HDAC9: variants seen among roughly 807,000 people sequenced by gnomAD.
The protein encoded by HDAC9 is histone deacetylase 9, also known as MEF-2 interacting transcription repressor (MITR) protein.
HDAC9 carries 41 observed loss-of-function variants against 139.4 expected under a neutral mutation model. The observed-to-expected ratio is 0.29, with a 90% CI of 0.23 to 0.38. The LOEUF (loss-of-function observed/expected upper bound fraction) is 0.38, where lower values mean the gene tolerates loss of function less well. Among genes scored for constraint, HDAC9 ranks in the 10% least tolerant of loss-of-function variants. The probability of loss-of-function intolerance (pLI) is 1.00; values close to 1 mark genes in which losing one functional copy is unlikely to be tolerated. For missense variants in HDAC9, 1,147 were observed against 1,297.0 expected (o/e 0.88, Z 1.78); for synonymous variants, 517 against 476.2 (o/e 1.09, Z -1.12).
intron 1 of HDAC9, among the ~76,000 whole-genome samples, chr7:18,371,624 A>G (rs1434777300): frequency 6.6e-6 from 1 of 152,224 alleles, no homozygotes; most frequent in Non-Finnish European, 1.5e-5. Flanking sequence ...ACACAATAGC[A>G]GAAACAATGG....
chr7:18,954,062 G>A (rs1425225441), intron 23 of HDAC9, 84 bp from the exon 24 acceptor site: 8 of 878,414 alleles, frequency 9.1e-6, no homozygotes, highest in African/African-American at 6.9e-5. Flanking sequence ...CTGAGGATTA[G>A]GTTGTTTCAG....
intron 16 of HDAC9, among the ~76,000 whole-genome samples, chr7:18,792,266 TTA>T (rs1792383106): frequency 1.4e-5 from 2 of 147,828 alleles, no homozygotes; most frequent in Admixed American, 6.7e-5. Flanking sequence ...TCTTTTTTTT[TTA>T]AAAAAAAAAA....
At chr7:18,785,499 A>G (rs1390971025) in intron 16 of HDAC9, among the ~76,000 whole-genome samples, 6 of 152,080 alleles carry the variant, frequency 3.9e-5, no homozygotes, top group South Asian at 2.1e-4. Context: ...CTGCTCTACC[A>G]TAATAGCAGA....
rs541286122 is a variant in HDAC9 at position 18,653,892 on chromosome 7, A to C, written c.1467+5209A>C. Among the ~76,000 whole-genome samples the C allele has an allele frequency of 1.4e-4, 22 of 152,262 alleles. No homozygotes were observed. In the South Asian group the frequency reaches 4.6e-3, roughly 32 times the overall value. The stretch of plus-strand genomic sequence containing the variant: ...ATATTCTCTGAAATCCTCTTGATTT[A>C]TACCCATTCCCTGTCCCCAACCCTC... On this transcript the variant is annotated intron_variant, in intron 11 of 25. Transcript: ENST00000686413.
At chr7:18,423,175 A>G (rs750680354) in intron 1 of HDAC9, among the ~76,000 whole-genome samples, 3 of 152,212 alleles carry the variant, frequency 2.0e-5, no homozygotes, top group Non-Finnish European at 4.4e-5. Context: ...TTTTTATTTC[A>G]AAAAGTACAT....
chr7:18,484,345 A>G (rs1426465121), intron 1 of HDAC9, among the ~76,000 whole-genome samples: 2 of 151,750 alleles, frequency 1.3e-5, no homozygotes, highest in African/African-American at 2.4e-5. Flanking sequence ...AAAAAAAAAA[A>G]GTAAATGTCT....
intron 12 of HDAC9, among the ~76,000 whole-genome samples, chr7:18,725,213 A>G (rs896606413): frequency 1.3e-5 from 2 of 152,166 alleles, no homozygotes; most frequent in African/African-American, 4.8e-5. Context: ...AATCATATGA[A>G]TATATAATAA....
In HDAC9 at chr7:18,837,338, A is replaced by T. The variant is rs1796305556; in HGVS notation, c.2684+1341A>T. ...AGGAGCAAAATAAAAAATTATGTTA[A>T]AAAACAGAAGTTTTAATGTTATGAA... is the stretch of plus-strand genomic sequence containing the variant. On this transcript the variant is annotated intron_variant, in intron 21 of 25. Transcript: ENST00000686413. 5.3e-5 allele frequency among the ~76,000 whole-genome samples: 8 copies of T among 152,032 alleles called. No individual in the cohort carries two copies. In the South Asian group the frequency reaches 1.7e-3, roughly 32 times the overall value.
At chr7:18,105,564 A>G (rs955569266) in intron 1 of HDAC9, among the ~76,000 whole-genome samples, 1 of 132,754 alleles carries the variant, frequency 7.5e-6, no homozygotes, top group South Asian at 2.7e-4. Context: ...TTTCATCTAC[A>G]TCTAGGATGC....
At chr7:18,995,096 T>G (rs1450514249) in intron 25 of HDAC9, among the ~76,000 whole-genome samples, 1 of 152,224 alleles carries the variant, frequency 6.6e-6, no homozygotes, top group African/African-American at 2.4e-5. Context: ...TTTACCTCCT[T>G]TATTTTTTAA....
chr7:18,318,512 C>G (rs1369365552), intron 1 of HDAC9, among the ~76,000 whole-genome samples: 1 of 152,146 alleles, frequency 6.6e-6, no homozygotes, highest in Non-Finnish European at 1.5e-5. Flanking sequence ...ATATTTAGAA[C>G]TGACAATTCC....
intron 17 of HDAC9, among the ~76,000 whole-genome samples, chr7:18,815,434 A>G (rs1794492761): frequency 6.6e-6 from 1 of 152,222 alleles, no homozygotes; most frequent in African/African-American, 2.4e-5. Context: ...TTCCCCCGTC[A>G]CAACAAGACT....
At chr7:18,328,347 G>A (rs1235625331) in intron 1 of HDAC9, among the ~76,000 whole-genome samples, 2 of 151,356 alleles carry the variant, frequency 1.3e-5, no homozygotes, top group African/African-American at 2.4e-5. Context: ...AGACACTTAC[G>A]GGGTTAGGAT....
chr7:18,882,095 TTAAAAACGAG>T (rs1799782002), intron 22 of HDAC9, among the ~76,000 whole-genome samples: 1 of 152,154 alleles, frequency 6.6e-6, no homozygotes, highest in Non-Finnish European at 1.5e-5. Context: ...AATAGCATTT[TTAAAAACGAG>T]TAAGGCTAAA....
Position 18,874,234 on chromosome 7 carries a change from GT to G in HDAC9, c.2685-230del, listed in dbSNP as rs35536284. On this transcript the variant is annotated intron_variant, in intron 21 of 25. Coordinates refer to ENST00000686413, the MANE Select transcript of HDAC9 (RefSeq NM_178425.4). Reference sequence around the variant, plus strand: ...GGCTTTAGAATGTACCTGCAAAGCAGTTTTTTTTTTTTTTCCATTTGGAGGA... The same window carrying G: ...GGCTTTAGAATGTACCTGCAAAGCAGTTTTTTTTTTTTTCCATTTGGAGGA... 6.8e-4 allele frequency among the ~76,000 whole-genome samples: 97 copies of G among 143,592 alleles called. 1 individual carries two copies. The highest frequency in any genetic ancestry group is 3.6e-3 in the Middle Eastern group (1 of 280). The allele number at this position is 143,592 out of a possible 152,430, so 94.2% of individuals were successfully genotyped here. A position where few individuals can be genotyped will look rare whatever the true frequency, so the allele number is the denominator to read the frequency against.
intron 17 of HDAC9, among the ~76,000 whole-genome samples, chr7:18,828,584 A>G (rs1243762852): frequency 6.6e-6 from 1 of 152,216 alleles, no homozygotes; most frequent in African/African-American, 2.4e-5. Flanking sequence ...CGGTCATCCA[A>G]GCTAAATTTA....
At chr7:18,591,495 G>C in intron 4 of HDAC9, 21 bp from the exon 5 acceptor site, 2 of 1,555,232 alleles carry the variant, frequency 1.3e-6, no homozygotes, top group Non-Finnish European at 1.7e-6. Context: ...GTGTGTGTGT[G>C]TGTGTGTGTG....
chr7:18,865,337 G>C (rs1233018277), intron 21 of HDAC9, among the ~76,000 whole-genome samples: 2 of 152,122 alleles, frequency 1.3e-5, no homozygotes, highest in African/African-American at 4.8e-5. Context: ...GTTTGAGAAA[G>C]AGACAGGGAG....
At chr7:18,572,352 C>A (rs926384494) in intron 2 of HDAC9, among the ~76,000 whole-genome samples, 8 of 146,716 alleles carry the variant, frequency 5.5e-5, no homozygotes, top group Non-Finnish European at 1.1e-4. Context: ...TTGTCATATT[C>A]AAATATGACA....
Sources: gnomAD v4.1 joint callset for allele counts (sites outside exome capture counted in the v4.1 genomes callset) on GRCh38, gnomAD v4.1.1 for gene constraint, MANE v1.5 for transcripts, NCBI Gene and HGNC (gene_info 2026-07-23, HGNC 2026-07-21) for gene names.